Variants in RERE observed in about 807,000 individuals in gnomAD.
The protein encoded by RERE is arginine-glutamic acid dipeptide repeats.
Under a neutral mutation model 146.1 loss-of-function variants are expected in RERE, and 40 were observed. That is an observed-to-expected ratio of 0.27 (90% CI 0.21 to 0.36). The LOEUF (loss-of-function observed/expected upper bound fraction) is 0.36. RERE is among the 10% of genes least tolerant of loss of function. RERE has a pLI of 1.00. For missense variants in RERE, 1,933 were observed against 2,138.7 expected, an observed-to-expected ratio of 0.90 and a Z score of 1.90; for synonymous variants, 1,003 against 866.0, an observed-to-expected ratio of 1.16 and a Z score of -2.78.
At chr1:8,726,142 C>CTTTTTT (rs1348386294) in intron 1 of RERE, among the ~76,000 whole-genome samples, 3 of 107,134 alleles carry the variant, frequency 2.8e-5, no homozygotes, top group African/African-American at 1.1e-4. Context: ...TTCCTTTTTT[C>CTTTTTT]TTTTCTTTTT....
At chr1:8,575,555 ATATATATT>A (rs1239430897) in intron 4 of RERE, among the ~76,000 whole-genome samples, 82 of 62,726 alleles carry the variant, frequency 1.3e-3, no homozygotes, top group South Asian at 7.1e-3. Context: ...ATATATATAT[ATATATATT>A]TTTTTTTTTT....
intron 4 of RERE, among the ~76,000 whole-genome samples, chr1:8,594,228 G>A (rs1278363298): frequency 6.6e-6 from 1 of 152,118 alleles, no homozygotes; most frequent in Non-Finnish European, 1.5e-5. Flanking sequence ...AAGTAACACA[G>A]CCAGCAAGTA....
chr1:8,473,158 T>C (rs1311787913), intron 10 of RERE, among the ~76,000 whole-genome samples: 4 of 152,228 alleles, frequency 2.6e-5, no homozygotes, highest in Non-Finnish European at 5.9e-5. Flanking sequence ...ATGTGATTTT[T>C]TCCTTCGTTT....
intron 1 of RERE, among the ~76,000 whole-genome samples, chr1:8,736,167 T>TAAA (rs1387571934): frequency 6.8e-6 from 1 of 147,042 alleles, no homozygotes; most frequent in Non-Finnish European, 1.5e-5. Flanking sequence ...ATTCCTGCAA[T>TAAA]TGTTCTGCAT....
At chr1:8,620,188 C>T (rs1003718069) in intron 3 of RERE, among the ~76,000 whole-genome samples, 1 of 152,202 alleles carries the variant, frequency 6.6e-6, no homozygotes, top group African/African-American at 2.4e-5. Context: ...AGGCTCTTTC[C>T]ATTGCAATTC....
chr1:8,652,307 G>A (rs957625196), intron 2 of RERE, among the ~76,000 whole-genome samples: 4 of 152,150 alleles, frequency 2.6e-5, no homozygotes, highest in African/African-American at 7.2e-5. Context: ...AGCTTTCAGA[G>A]ACAGCATACC....
intron 3 of RERE, among the ~76,000 whole-genome samples, chr1:8,616,087 T>C (rs1646849431): frequency 6.6e-6 from 1 of 152,184 alleles, no homozygotes; most frequent in African/African-American, 2.4e-5. Context: ...ATATTCAATA[T>C]TTTTTGCCAG....
intron 10 of RERE, among the ~76,000 whole-genome samples, chr1:8,488,314 C>T (rs901687475): frequency 2.6e-5 from 4 of 152,032 alleles, no homozygotes; most frequent in Admixed American, 6.6e-5. Flanking sequence ...GGCACGGTTT[C>T]GGCTGACTGT....
At chr1:8,691,087 G>A (rs6682498) in intron 1 of RERE, among the ~76,000 whole-genome samples, 1 of 151,950 alleles carries the variant, frequency 6.6e-6, no homozygotes, top group Non-Finnish European at 1.5e-5. Flanking sequence ...TAGTACAGAC[G>A]GGGTTTTACC....
chr1:8,677,054 C>G (rs953783576), intron 1 of RERE, among the ~76,000 whole-genome samples: 5 of 152,198 alleles, frequency 3.3e-5, no homozygotes, highest in African/African-American at 1.2e-4. Flanking sequence ...CTCACCCTTT[C>G]ACCTTTGCTC....
chr1:8,732,813 T>C (rs1039130301), intron 1 of RERE, among the ~76,000 whole-genome samples: 3 of 116,026 alleles, frequency 2.6e-5, no homozygotes, highest in South Asian at 2.8e-4. Context: ...TTTTTCTTTT[T>C]TTTTTTTTTT....
chr1:8,785,545 G>T (rs1641244480), intron 1 of RERE, among the ~76,000 whole-genome samples: 1 of 152,198 alleles, frequency 6.6e-6, no homozygotes, highest in South Asian at 2.1e-4. Context: ...CTCCAACAGA[G>T]GAATTTCAAG....
chr1:8,767,360 T>C (rs1271214806), intron 1 of RERE, among the ~76,000 whole-genome samples: 1 of 152,134 alleles, frequency 6.6e-6, no homozygotes, highest in Non-Finnish European at 1.5e-5. Flanking sequence ...CCCAATACTT[T>C]AGGAGTCTGG....
intron 1 of RERE, among the ~76,000 whole-genome samples, chr1:8,733,499 T>G (rs1640132233): frequency 6.6e-6 from 1 of 152,224 alleles, no homozygotes; most frequent in Non-Finnish European, 1.5e-5. Context: ...TGCTCTTATA[T>G]GAATCCTTTC....
intron 1 of RERE, among the ~76,000 whole-genome samples, chr1:8,781,451 G>A (rs1020857527): frequency 4.6e-5 from 7 of 151,782 alleles, no homozygotes; most frequent in African/African-American, 1.7e-4. Context: ...TTAAGCCTGG[G>A]AAGTCAAGGC....
chr1:8,795,653 T>TCACAGTTC (rs955076652), intron 1 of RERE, among the ~76,000 whole-genome samples: 6 of 152,074 alleles, frequency 3.9e-5, no homozygotes, highest in Non-Finnish European at 7.4e-5. Flanking sequence ...ACAGAGGCTA[T>TCACAGTTC]CACAGTTCAG....
intron 1 of RERE, among the ~76,000 whole-genome samples, chr1:8,663,137 A>G (rs547501473): frequency 4.9e-4 from 74 of 152,288 alleles, no homozygotes; most frequent in Non-Finnish European, 8.8e-4. Flanking sequence ...ATTAAGAAAC[A>G]AATCATGGAG....
chr1:8,781,370 C>CAA (rs771504061), intron 1 of RERE, among the ~76,000 whole-genome samples: 1 of 146,180 alleles, frequency 6.8e-6, no homozygotes, highest in Non-Finnish European at 1.5e-5. Flanking sequence ...AAAAAAAAAA[C>CAA]AACTTTTTTT....
In RERE at chr1:8,803,482, A is replaced by T. The variant is rs191609913; in HGVS notation, c.-145+13678T>A. Among the ~76,000 whole-genome samples, 5 of 151,936 alleles carry T rather than the reference A, an allele frequency of 3.3e-5. No individual in the cohort carries two copies. In the East Asian group the frequency reaches 9.7e-4, roughly 29 times the overall value. On this transcript the variant is annotated intron_variant, in intron 1 of 22. Transcript: ENST00000400908. Reference sequence around the variant, plus strand: ...AGACTCTGTCTCAAAAATAAAAATAAAAAAAAAGAAGTCACTGTTCATTAT... The same window carrying T: ...AGACTCTGTCTCAAAAATAAAAATATAAAAAAAGAAGTCACTGTTCATTAT...
Sources: gnomAD v4.1 joint callset for allele counts (sites outside exome capture counted in the v4.1 genomes callset) on GRCh38, gnomAD v4.1.1 for gene constraint, MANE v1.5 for transcripts, NCBI Gene and HGNC (gene_info 2026-07-23, HGNC 2026-07-21) for gene names.